The following VPS13B variants were observed in gnomAD, a reference collection of about 807,000 sequenced individuals.
The protein encoded by VPS13B is intermembrane lipid transfer protein VPS13B.
Under a neutral mutation model 426.4 loss-of-function variants are expected in VPS13B, and 285 were observed. The ratio of observed to expected loss-of-function variants is 0.67; its 90% CI spans 0.61 to 0.74. VPS13B has a LOEUF of 0.74. Among genes scored for constraint, VPS13B ranks in the 30% least tolerant of loss-of-function variants. The probability of loss-of-function intolerance (pLI) is 0.00; values close to 1 mark genes in which losing one functional copy is unlikely to be tolerated. For synonymous variants in VPS13B, 1,676 were observed against 1,676.4 expected (o/e 1.00, Z 0.01); for missense variants, 4,537 against 4,782.6 (o/e 0.95, Z 1.51).
At chr8:99,399,780 G>A (rs1418736742) in intron 21 of VPS13B, among the ~76,000 whole-genome samples, 4 of 152,242 alleles carry the variant, frequency 2.6e-5, no homozygotes, top group Admixed American at 6.5e-5. Context: ...CATGTGTGCC[G>A]TGCGGAGTAT....
At chr8:99,531,813 T>C (rs1054670231) in intron 30 of VPS13B, among the ~76,000 whole-genome samples, 4 of 152,066 alleles carry the variant, frequency 2.6e-5, no homozygotes, top group Non-Finnish European at 4.4e-5. Flanking sequence ...GATATATAAA[T>C]TTGGAAGTCA....
chr8:99,568,262 A>G (rs1027159379), intron 31 of VPS13B, among the ~76,000 whole-genome samples: 1 of 151,250 alleles, frequency 6.6e-6, no homozygotes, highest in Non-Finnish European at 1.5e-5. Flanking sequence ...CTCTAAATGG[A>G]TATATACCGA....
chr8:99,197,585 C>G (rs1814015334), intron 17 of VPS13B, among the ~76,000 whole-genome samples: 1 of 152,130 alleles, frequency 6.6e-6, no homozygotes, highest in South Asian at 2.1e-4. Context: ...ATTGGTGTAG[C>G]ATTGTTCACA....
intron 54 of VPS13B, among the ~76,000 whole-genome samples, chr8:99,839,322 C>T (rs1376741341): frequency 6.6e-6 from 1 of 152,104 alleles, no homozygotes; most frequent in East Asian, 1.9e-4. Flanking sequence ...TGCCATTTAC[C>T]AAGTGTTTTC....
rs1366082378 is a variant in VPS13B at position 99,135,038 on chromosome 8, C to G, written c.1326C>G (p.Phe442Leu). ...TVEALMMGEPFFDCQIGFVGC... is the reference protein window; with the variant it reads ...TVEALMMGEPLFDCQIGFVGC... ...AGGCCCTTATGATGGGAGAACCTTT[C>G]TTTGATTGCCAGATTGGGTTTGTTG... Residue 442 changes from phenylalanine (F) to leucine (L), a missense_variant, in exon 10 of 62, where the codon TTC becomes TTG. Physicochemically the swap from Phe to Leu is conservative, Grantham distance 22. Transcript: ENST00000357162. 1 of 1,613,456 alleles carries G rather than the reference C, an allele frequency of 6.2e-7. No individual in the cohort carries two copies. Among genetic ancestry groups the G allele is most frequent in the East Asian group, 2.2e-5 (1 of 44,838 alleles).
intron 34 of VPS13B, among the ~76,000 whole-genome samples, chr8:99,656,198 A>G (rs1441904698): frequency 6.6e-6 from 1 of 152,200 alleles, no homozygotes; most frequent in African/African-American, 2.4e-5. Context: ...TTGTCAATAC[A>G]AATGCCTTAT....
intron 17 of VPS13B, among the ~76,000 whole-genome samples, chr8:99,229,608 G>T (rs1816210440): frequency 6.6e-6 from 1 of 152,150 alleles, no homozygotes; most frequent in African/African-American, 2.4e-5. Context: ...AGGTATGGAA[G>T]AAGAATTTTC....
intron 15 of VPS13B, among the ~76,000 whole-genome samples, chr8:99,159,332 A>T (rs1811522421): frequency 6.6e-6 from 1 of 152,336 alleles, no homozygotes; most frequent in Non-Finnish European, 1.5e-5. Flanking sequence ...ATTACAGAGA[A>T]TTTAAAAAGT....
At chr8:99,362,377 C>T (rs1338217866) in intron 19 of VPS13B, among the ~76,000 whole-genome samples, 1 of 151,994 alleles carries the variant, frequency 6.6e-6, no homozygotes, top group Non-Finnish European at 1.5e-5. Context: ...CTCCTGACCT[C>T]GTGATCCTCC....
intron 19 of VPS13B, among the ~76,000 whole-genome samples, chr8:99,382,894 G>A (rs191262635): frequency 5.9e-5 from 9 of 152,258 alleles, no homozygotes. Context: ...TTTTGTGCCA[G>A]TTTTCAAGGG....
At chr8:99,155,044 G>T (rs1249319815) in intron 14 of VPS13B, among the ~76,000 whole-genome samples, 4 of 151,522 alleles carry the variant, frequency 2.6e-5, no homozygotes, top group African/African-American at 9.7e-5. Context: ...ACAAAAAGGT[G>T]GAAGATTTCC....
chr8:99,629,079 G>T (rs1002360884), intron 33 of VPS13B, among the ~76,000 whole-genome samples: 3 of 152,004 alleles, frequency 2.0e-5, no homozygotes, highest in Non-Finnish European at 4.4e-5. Context: ...GTATGATTTT[G>T]AGCAAGTTGC....
At chr8:99,476,262 CTT>C (rs1819682274) in intron 24 of VPS13B, among the ~76,000 whole-genome samples, 2 of 152,152 alleles carry the variant, frequency 1.3e-5, no homozygotes, top group Admixed American at 1.3e-4. Flanking sequence ...GATTAATACT[CTT>C]TGATATCTTC....
At chr8:99,057,205 A>G (rs1183215186) in intron 3 of VPS13B, among the ~76,000 whole-genome samples, 3 of 151,340 alleles carry the variant, frequency 2.0e-5, no homozygotes, top group Non-Finnish European at 4.4e-5. Context: ...TTTTGTTTCC[A>G]GTCTGTATGC....
chr8:99,553,396 G>A (rs941605371), intron 30 of VPS13B, among the ~76,000 whole-genome samples: 8 of 151,994 alleles, frequency 5.3e-5, no homozygotes, highest in East Asian at 3.9e-4. Context: ...TATCTTTATC[G>A]TTTTCGTTGC....
intron 2 of VPS13B, among the ~76,000 whole-genome samples, chr8:99,029,196 C>T (rs1171880473): frequency 6.7e-6 from 1 of 148,462 alleles, no homozygotes; most frequent in African/African-American, 2.5e-5. Context: ...CGGGCAGAAA[C>T]GCTCCTCACT....
intron 3 of VPS13B, among the ~76,000 whole-genome samples, chr8:99,084,163 A>T (rs534182730): frequency 1.3e-5 from 2 of 152,012 alleles, no homozygotes; most frequent in African/African-American, 4.8e-5. Context: ...CAGAGATTCA[A>T]CTTCTTCCTG....
In VPS13B at chr8:99,705,039, A is replaced by G. The variant is rs1281088498; in HGVS notation, c.6454+5107A>G. Among the ~76,000 whole-genome samples the G allele has an allele frequency of 5.3e-5, 8 of 152,154 alleles. No homozygotes were observed. In the East Asian group the frequency reaches 1.5e-3, roughly 29 times the overall value. ...GATGGCCTACCGTCCGTGAAACATG[A>G]CACCTCCCCTCCCAGGACTGAGTAC... On this transcript the variant is annotated intron_variant, in intron 36 of 61. Transcript: ENST00000357162.
At chr8:99,454,706 A>G (rs763602557) in intron 23 of VPS13B, among the ~76,000 whole-genome samples, 12 of 152,128 alleles carry the variant, frequency 7.9e-5, no homozygotes, top group Admixed American at 1.3e-4. Flanking sequence ...TCGGTAATAT[A>G]CCACCAGACT....
Sources: allele counts gnomAD v4.1 joint callset (sites outside exome capture counted in the v4.1 genomes callset), GRCh38; gene constraint gnomAD v4.1.1; transcripts MANE v1.5; gene names NCBI Gene and HGNC (gene_info 2026-07-23, HGNC 2026-07-21).